The following SPG21 variants were observed in gnomAD, a reference collection of about 807,000 sequenced individuals.
The protein encoded by SPG21 is maspardin.
Under a neutral mutation model 38.9 loss-of-function variants are expected in SPG21, and 26 were observed. The ratio of observed to expected loss-of-function variants is 0.67; its 90% confidence interval spans 0.49 to 0.93. The LOEUF is 0.93. Among genes scored for constraint, SPG21 ranks in the 40% least tolerant of loss-of-function variants. The pLI is 0.00. For synonymous variants in SPG21, 136 were observed against 128.9 expected (o/e 1.05, Z -0.37); for missense variants, 333 against 376.5 (o/e 0.88, Z 0.96).
intron 2 of SPG21, among the ~76,000 whole-genome samples, chr15:64,982,259 C>CTCAG (rs2085900371): frequency 6.7e-6 from 1 of 149,360 alleles, no homozygotes; most frequent in Admixed American, 6.8e-5. Flanking sequence ...ATCCTCCCAT[C>CTCAG]TCAGCCTCCT....
chr15:64,982,722 C>T (rs1475892982), intron 2 of SPG21, among the ~76,000 whole-genome samples: 6 of 152,198 alleles, frequency 3.9e-5, no homozygotes, highest in Admixed American at 2.0e-4. Context: ...CAATACTCAA[C>T]TGCAATATAA....
intron 1 of SPG21, chr15:64,987,402 T>C (rs967009756): frequency 3.9e-5 from 6 of 152,354 alleles, no homozygotes; most frequent in Admixed American, 6.5e-5. Context: ...GGAAAACAGC[T>C]GTGAGTGGTA....
intron 5 of SPG21, 53 bp downstream of exon 5, chr15:64,974,549 A>G: frequency 3.1e-6 from 5 of 1,607,994 alleles, no homozygotes; most frequent in Middle Eastern, 1.7e-4. Flanking sequence ...CAAACACTCA[A>G]AAGCCAACAT....
At chr15:64,984,707 A>C (rs892047738) in intron 1 of SPG21, among the ~76,000 whole-genome samples, 2 of 151,776 alleles carry the variant, frequency 1.3e-5, no homozygotes, top group Non-Finnish European at 2.9e-5. Flanking sequence ...ATACACCATA[A>C]ATCTAACTGT....
chr15:64,980,737 CAACAAACAAACA>C (rs56821289), intron 3 of SPG21, 115 bp downstream of exon 3: 215 of 863,086 alleles, frequency 2.5e-4, no homozygotes, highest in Non-Finnish European at 3.2e-4. Context: ...GAATCCATCT[CAACAAACAAACA>C]AACAAACAAA....
At chr15:64,976,349 C>G (rs547394296) in intron 4 of SPG21, 126 bp downstream of exon 4, 1 of 644,014 alleles carries the variant, frequency 1.6e-6, no homozygotes, top group African/African-American at 1.8e-5. Context: ...CACTTGAATC[C>G]GGGAGGTGGA....
chr15:64,977,969 T>C (rs1242399760), intron 3 of SPG21, among the ~76,000 whole-genome samples: 1 of 151,970 alleles, frequency 6.6e-6, no homozygotes, highest in Admixed American at 6.6e-5. Context: ...ACTACAGGCA[T>C]GTGCCACCAC....
rs983556646 is a variant in SPG21 at position 64,969,607 on chromosome 15, C to A, written c.562-245G>T. 4.6e-5 allele frequency among the ~76,000 whole-genome samples: 7 copies of A among 152,148 alleles called. No individual in the cohort carries two copies. The South Asian group carries it at 1.5e-3, about 32-fold the overall frequency. On this transcript the variant is annotated intron_variant, in intron 6 of 8. Transcript: ENST00000204566. ...AAACCCGGCCTTCTACAGCCCTCAG[C>A]CTACACTGCCTACTCCAGCCAGGTG...
intron 8 of SPG21, among the ~76,000 whole-genome samples, chr15:64,965,037 G>C (rs925093058): frequency 2.0e-5 from 3 of 152,276 alleles, no homozygotes; most frequent in African/African-American, 7.2e-5. Context: ...ACTGTGTCCA[G>C]AGGGCAAGGT....
At chr15:64,973,140 A>G (rs1356410131) in intron 5 of SPG21, among the ~76,000 whole-genome samples, 1 of 151,560 alleles carries the variant, frequency 6.6e-6, no homozygotes, top group African/African-American at 2.4e-5. Flanking sequence ...ATTTATTATT[A>G]TTGTTATTTG....
chr15:64,969,037 C>T (rs1277461919), intron 7 of SPG21, among the ~76,000 whole-genome samples: 1 of 152,166 alleles, frequency 6.6e-6, no homozygotes, highest in Non-Finnish European at 1.5e-5. Flanking sequence ...CCACTGTGCT[C>T]GGCCTATTTT....
At chr15:64,981,474 A>G (rs1198929878) in intron 2 of SPG21, 1 of 183,972 alleles carries the variant, frequency 5.4e-6, no homozygotes, top group African/African-American at 2.4e-5. Flanking sequence ...TATTTTTAGT[A>G]GAGACGGGGT....
chr15:64,977,727 T>C (rs767468368), intron 3 of SPG21, among the ~76,000 whole-genome samples: 1 of 151,966 alleles, frequency 6.6e-6, no homozygotes, highest in Non-Finnish European at 1.5e-5. Context: ...TACTTGACTA[T>C]ACGTAGCCTA....
At position 64,981,044 on chromosome 15, in the gene SPG21, GA is replaced by G. The variant is rs772181157; in HGVS notation, c.64-20del. 1.9e-6 allele frequency: 3 copies of G among 1,613,284 alleles called. No homozygotes were observed. Among genetic ancestry groups the G allele is most frequent in the Non-Finnish European group, 2.5e-6 (3 of 1,179,824 alleles). ...CAATAATCTGGAGGGAAGGTTAAAA[GA>G]AAAAAGTGGAAAACCTTATAAATTT... On this transcript the variant is annotated intron_variant, in intron 2 of 8. Transcript: ENST00000204566.
Position 64,965,315 on chromosome 15 carries a change from C to T in SPG21, c.810+5G>A, listed in dbSNP as rs765945623. 1.9e-6 allele frequency: 3 copies of T among 1,614,176 alleles called. No individual in the cohort carries two copies. Among genetic ancestry groups the T allele is most frequent in the East Asian group, 2.2e-5 (1 of 44,882 alleles). On this transcript the variant is annotated splice_donor_5th_base_variant and intron_variant, in intron 8 of 8. Transcript: ENST00000204566. ...GAGTGCTCTGGGTTTCAAGCTAGGC[C>T]TTACCTGTACATAAAGATTGACCTC...
At chr15:64,964,108 T>C (rs2085499918) in intron 8 of SPG21, among the ~76,000 whole-genome samples, 1 of 152,192 alleles carries the variant, frequency 6.6e-6, no homozygotes, top group Non-Finnish European at 1.5e-5. Context: ...TACTGCCTTC[T>C]ATAAAAAGTT....
At chr15:64,977,824 C>CA (rs1555400542) in intron 3 of SPG21, among the ~76,000 whole-genome samples, 7 of 151,362 alleles carry the variant, frequency 4.6e-5, no homozygotes, top group Admixed American at 3.3e-4. Context: ...CTAAGAATTC[C>CA]TTTTTTTTGT....
chr15:64,984,751 CCT>C (rs2085954888), intron 1 of SPG21, among the ~76,000 whole-genome samples: 1 of 128,396 alleles, frequency 7.8e-6, no homozygotes, highest in Admixed American at 7.6e-5. Context: ...CATGTAGTTC[CCT>C]TTTTTTTTTT....
chr15:64,970,462 A>G (rs1158033465), intron 5 of SPG21, among the ~76,000 whole-genome samples: 1 of 152,174 alleles, frequency 6.6e-6, no homozygotes, highest in African/African-American at 2.4e-5. Context: ...ATTTCAAAAT[A>G]CCTTTACTGA....
Sources: allele counts gnomAD v4.1 joint callset (sites outside exome capture counted in the v4.1 genomes callset), GRCh38; gene constraint gnomAD v4.1.1; transcripts MANE v1.5; gene names NCBI Gene and HGNC (gene_info 2026-07-23, HGNC 2026-07-21).